EXD3: variants seen among roughly 807,000 people sequenced by gnomAD.
The protein encoded by EXD3 is exonuclease mut-7 homolog.
Under a neutral mutation model 98.0 loss-of-function variants are expected in EXD3, and 92 were observed. That is an observed-to-expected ratio of 0.94 (90% CI 0.79 to 1.12). The LOEUF (loss-of-function observed/expected upper bound fraction) is 1.12. Ranked by LOEUF, EXD3 falls within the 50% of genes most tolerant of loss-of-function variation. The probability of loss-of-function intolerance (pLI) is 0.00; values close to 1 mark genes in which losing one functional copy is unlikely to be tolerated. For synonymous variants in EXD3, 569 were observed against 526.0 expected, an observed-to-expected ratio of 1.08 and a Z score of -1.12; for missense variants, 1,222 against 1,191.6, an observed-to-expected ratio of 1.03 and a Z score of -0.38.
intron 19 of EXD3, among the ~76,000 whole-genome samples, chr9:137,311,124 G>T (rs1194701562): frequency 2.6e-5 from 4 of 152,214 alleles, no homozygotes; most frequent in Non-Finnish European, 5.9e-5. Flanking sequence ...GGGGCTGGAG[G>T]TGTTGGACAG....
chr9:137,321,741 C>T (rs551564242), intron 19 of EXD3, among the ~76,000 whole-genome samples: 1 of 152,180 alleles, frequency 6.6e-6, no homozygotes, highest in Admixed American at 6.5e-5. Flanking sequence ...CGACCTGCTG[C>T]TCCAGGCGGA....
At chr9:137,356,969 G>T (rs1292085250) in intron 7 of EXD3, among the ~76,000 whole-genome samples, 1 of 152,200 alleles carries the variant, frequency 6.6e-6, no homozygotes, top group African/African-American at 2.4e-5. Flanking sequence ...GGTCCACGGG[G>T]TATTTTTGGA....
At chr9:137,314,884 G>C (rs1473188696) in intron 19 of EXD3, among the ~76,000 whole-genome samples, 1 of 152,202 alleles carries the variant, frequency 6.6e-6, no homozygotes, top group Non-Finnish European at 1.5e-5. Flanking sequence ...CTGGGCACAC[G>C]TGCGCAACAG....
At chr9:137,419,594 G>C (rs1588449676) in intron 1 of EXD3, among the ~76,000 whole-genome samples, 1 of 152,190 alleles carries the variant, frequency 6.6e-6, no homozygotes, top group Non-Finnish European at 1.5e-5. Flanking sequence ...GCTTGAACCT[G>C]GGAGGCGGAG....
Position 137,422,112 on chromosome 9 carries a change from TAA to T in EXD3, c.-48+1000_-48+1001del, listed in dbSNP as rs35073810. ...ATTCCAATTCAGTTTGTGGTGTTCT[TAA>T]AAAAAAAAAAAAAAAAAAAACTCCC... is the stretch of plus-strand genomic sequence containing the variant. On this transcript the variant is annotated intron_variant, in intron 1 of 21. Coordinates refer to ENST00000340951, the MANE Select transcript of EXD3 (RefSeq NM_017820.5). 1.4e-3 allele frequency among the ~76,000 whole-genome samples: 167 copies of T among 119,450 alleles called. 1 individual carries two copies. The East Asian group carries it at 0.016, about 11-fold the overall frequency. The allele number at this position is 119,450 out of a possible 152,430, so 78.4% of individuals were successfully genotyped here. A position where few individuals can be genotyped will look rare whatever the true frequency, so the allele number is the denominator to read the frequency against.
chr9:137,379,939 G>A (rs1836143575), intron 3 of EXD3, among the ~76,000 whole-genome samples: 1 of 151,952 alleles, frequency 6.6e-6, no homozygotes, highest in Non-Finnish European at 1.5e-5. Context: ...ACGTCGGCCA[G>A]CGCAAGCCAC....
At chr9:137,367,062 C>T (rs555753662) in intron 6 of EXD3, among the ~76,000 whole-genome samples, 6 of 152,342 alleles carry the variant, frequency 3.9e-5, no homozygotes, top group African/African-American at 1.4e-4. Flanking sequence ...CTGGCTGTGG[C>T]GCTGGGCCTT....
intron 3 of EXD3, among the ~76,000 whole-genome samples, chr9:137,378,281 T>G (rs1836018547): frequency 6.6e-6 from 1 of 152,086 alleles, no homozygotes; most frequent in Non-Finnish European, 1.5e-5. Flanking sequence ...TGATCTTGGC[T>G]CACTGCAACC....
intron 8 of EXD3, among the ~76,000 whole-genome samples, chr9:137,355,621 G>GGAGGAT (rs1564508880): frequency 7.8e-4 from 3 of 3,848 alleles, no homozygotes; most frequent in African/African-American, 4.8e-3. Flanking sequence ...GAAGGAGGAA[G>GGAGGAT]GGAGGATGGA....
chr9:137,405,471 C>CAG lies in EXD3; in HGVS notation c.-47-10069_-47-10068dup, dbSNP rs1352023744. Among the ~76,000 whole-genome samples the CAG allele has an allele frequency of 2.0e-5, 3 of 152,232 alleles. No homozygotes were observed. The highest frequency in any genetic ancestry group is 4.4e-5 in the Non-Finnish European group (3 of 68,044). On this transcript the variant is annotated intron_variant, in intron 1 of 21. Transcript: ENST00000340951. This position sits in a 1 kb window ranked among gnomAD's most constrained non-coding sequence, Gnocchi z 4.1. The stretch of plus-strand genomic sequence containing the variant: ...CGGACGGAGCCCAGGGCGGCCGTCG[C>CAG]AGGCCACTCACCCGTCCCCAGCCAC...
At chr9:137,356,585 C>A (rs895620448) in intron 7 of EXD3, among the ~76,000 whole-genome samples, 1 of 152,114 alleles carries the variant, frequency 6.6e-6, no homozygotes, top group Admixed American at 6.6e-5. Context: ...CAGATAACAT[C>A]CTTGGATTGT....
intron 3 of EXD3, among the ~76,000 whole-genome samples, chr9:137,380,692 G>A (rs1588391041): frequency 5.5e-5 from 3 of 55,026 alleles, no homozygotes; most frequent in African/African-American, 8.0e-5. Context: ...TCCCCCCGCC[G>A]GTATCCCCCT....
At chr9:137,346,238 C>CAAAAAAAAAAA (rs563761495) in intron 17 of EXD3, among the ~76,000 whole-genome samples, 327 of 13,612 alleles carry the variant, frequency 0.024, 42 homozygotes, top group Middle Eastern at 0.05. Flanking sequence ...GACTCCGTCT[C>CAAAAAAAAAAA]AAAAAAAAAA....
At chr9:137,378,641 T>G (rs367844368) in intron 3 of EXD3, among the ~76,000 whole-genome samples, 118 of 152,358 alleles carry the variant, frequency 7.7e-4, no homozygotes, top group African/African-American at 2.7e-3. Flanking sequence ...AAACAGCATG[T>G]GGCCTGGCCA....
chr9:137,388,108 C>T (rs189296713), intron 2 of EXD3, among the ~76,000 whole-genome samples: 32 of 152,290 alleles, frequency 2.1e-4, no homozygotes, highest in Non-Finnish European at 3.1e-4. Flanking sequence ...CACAGTCCCC[C>T]GAATGTGGAT....
At chr9:137,381,415 C>CAAAAAAAAAA (rs61183889) in intron 3 of EXD3, among the ~76,000 whole-genome samples, 14 of 50,840 alleles carry the variant, frequency 2.8e-4, no homozygotes, top group Admixed American at 3.9e-4. Flanking sequence ...GACTCCTTCT[C>CAAAAAAAAAA]AAAAAAAAAA....
intron 17 of EXD3, among the ~76,000 whole-genome samples, chr9:137,330,288 A>G (rs1192827580): frequency 1.8e-4 from 22 of 125,446 alleles, no homozygotes; most frequent in African/African-American, 3.9e-4. Context: ...CTACACAGGA[A>G]CTACACAGGA....
rs540039052 is a variant in EXD3, at chr9:137,324,696, A to AT, written c.1999-554dup. Reference sequence around the variant, plus strand: ...AGGAGATACAAAATTAAAATTAAGGATTTTTTTTGTTTTTTAGACGGAGTC... The same window carrying AT: ...AGGAGATACAAAATTAAAATTAAGGATTTTTTTTTGTTTTTTAGACGGAGTC... On this transcript the variant is annotated intron_variant, in intron 17 of 21. Coordinates refer to ENST00000340951, the MANE Select transcript of EXD3 (RefSeq NM_017820.5). The surrounding 1 kb of genome is among the most constrained non-coding windows in gnomAD (Gnocchi z 4.1). Among the ~76,000 whole-genome samples, 218 of 151,992 alleles carry AT rather than the reference A, an allele frequency of 1.4e-3. No individual in the cohort carries two copies. Among genetic ancestry groups the AT allele is most frequent in the African/African-American group, 4.5e-3 (185 of 41,444 alleles).
At position 137,385,632 on chromosome 9, in the gene EXD3, T is replaced by TAG. The variant is rs1836552067; in HGVS notation, c.56-2256_56-2255insCT. ...CTCACTGCAACCTCCACCTCTCAGG[T>TAG]TCGTGATTCTCGTGCCTCAGCCTCC... On this transcript the variant is annotated intron_variant, in intron 2 of 21. Transcript: ENST00000340951. This position sits in a 1 kb window ranked among gnomAD's most constrained non-coding sequence, Gnocchi z 4.4. Among the ~76,000 whole-genome samples, 2 of 152,096 alleles carry TAG rather than the reference T, an allele frequency of 1.3e-5. No individual in the cohort carries two copies. The highest frequency in any genetic ancestry group is 4.8e-5 in the African/African-American group (2 of 41,428).
Sources: allele counts gnomAD v4.1 joint callset (sites outside exome capture counted in the v4.1 genomes callset), GRCh38; gene constraint gnomAD v4.1.1; non-coding constraint Gnocchi (gnomAD v3.1); transcripts MANE v1.5; gene names NCBI Gene and HGNC (gene_info 2026-07-23, HGNC 2026-07-21).